Variants in NSMAF observed in about 807,000 individuals in gnomAD.
NSMAF encodes the protein protein FAN.
In NSMAF, 90 loss-of-function variants were observed where a neutral mutation model predicts 134.9. The observed-to-expected ratio is 0.67, with a 90% CI of 0.56 to 0.79. The LOEUF (loss-of-function observed/expected upper bound fraction) is 0.79. Among genes scored for constraint, NSMAF ranks in the 30% least tolerant of loss-of-function variants. The pLI, the probability that NSMAF is intolerant of heterozygous loss-of-function variation, is 0.00. For missense variants in NSMAF, 1,010 were observed against 1,119.0 expected (o/e 0.90, Z 1.39); for synonymous variants, 358 against 389.6 (o/e 0.92, Z 0.96).
At chr8:58,602,934 G>T (rs542349750) in intron 13 of NSMAF, among the ~76,000 whole-genome samples, 1 of 152,256 alleles carries the variant, frequency 6.6e-6, no homozygotes, top group South Asian at 2.1e-4. Context: ...GTACTTATAG[G>T]TAATAATGAT....
At chr8:58,609,844 C>T (rs1243125659) in intron 9 of NSMAF, 111 bp from the exon 10 acceptor site, 3 of 913,934 alleles carry the variant, frequency 3.3e-6, no homozygotes, top group Non-Finnish European at 4.8e-6. Context: ...CTAAACACTA[C>T]ATTTAATATA....
chr8:58,645,522 G>A (rs1807427415), intron 1 of NSMAF, among the ~76,000 whole-genome samples: 2 of 152,038 alleles, frequency 1.3e-5, no homozygotes, highest in Non-Finnish European at 2.9e-5. Context: ...AACTGAAATA[G>A]CCCATTCCCA....
chr8:58,593,682 G>C (rs534035277), intron 23 of NSMAF, among the ~76,000 whole-genome samples: 51 of 152,302 alleles, frequency 3.3e-4, no homozygotes, highest in Admixed American at 2.5e-3. Context: ...TATAGTAAGG[G>C]ATGCTTTCTG....
chr8:58,617,907 A>T (rs944534801), intron 9 of NSMAF, among the ~76,000 whole-genome samples: 7 of 152,238 alleles, frequency 4.6e-5, no homozygotes, highest in African/African-American at 1.7e-4. Context: ...ACTTGGAACC[A>T]ACCCAAATGT....
chr8:58,632,687 C>T (rs1402193459), intron 5 of NSMAF, among the ~76,000 whole-genome samples: 1 of 152,182 alleles, frequency 6.6e-6, no homozygotes, highest in African/African-American at 2.4e-5. Flanking sequence ...TTTAAAAAGT[C>T]TCTAGAAACT....
intron 27 of NSMAF, among the ~76,000 whole-genome samples, chr8:58,586,873 TA>T (rs1805898301): frequency 6.6e-6 from 1 of 152,196 alleles, no homozygotes; most frequent in Non-Finnish European, 1.5e-5. Context: ...TAAAATAGCT[TA>T]AAACTGACAG....
intron 21 of NSMAF, among the ~76,000 whole-genome samples, chr8:58,596,480 T>G (rs1453336637): frequency 6.6e-6 from 1 of 152,150 alleles, no homozygotes; most frequent in South Asian, 2.1e-4. Context: ...GAAAGGTGAG[T>G]GTTCTTTCCT....
At chr8:58,638,188 A>G (rs1384572337) in intron 2 of NSMAF, among the ~76,000 whole-genome samples, 3 of 152,152 alleles carry the variant, frequency 2.0e-5, no homozygotes, top group Non-Finnish European at 4.4e-5. Context: ...CTGTGACTCC[A>G]GGTGTGCACC....
At chr8:58,650,256 G>A (rs77125463) in intron 1 of NSMAF, among the ~76,000 whole-genome samples, 4,090 of 152,196 alleles carry the variant, frequency 0.027, 202 homozygotes, top group African/African-American at 0.093. Flanking sequence ...CTAGTTCCAA[G>A]GGCAACTTTG....
In NSMAF at chr8:58,601,335, C is replaced by A. The variant is rs1806273231; in HGVS notation, c.1230G>T (p.Met410Ile). 3 of 1,613,822 alleles carry A rather than the reference C, an allele frequency of 1.9e-6. No individual in the cohort carries two copies. The East Asian group carries it at 6.7e-5, about 36-fold the overall frequency. The change falls in exon 16 of 31, where the codon ATG becomes ATT. Residue 410 changes from methionine (M) to isoleucine (I), a missense_variant. By Grantham distance (10) the Met-to-Ile change is conservative (BLOSUM62 1). Coordinates refer to ENST00000038176, the MANE Select transcript of NSMAF (RefSeq NM_003580.4). ...FYLVRIAPEY[M>I]LCLQNGRFDN... ...CAAATCTTCCATTCTGCAGGCACAG[C>A]ATATACTCTGGTGCTAGAGGGGAAA...
intron 1 of NSMAF, chr8:58,659,330 C>A (rs1245064517): frequency 3.3e-6 from 5 of 1,527,348 alleles, no homozygotes; most frequent in Non-Finnish European, 3.5e-6. Flanking sequence ...GCGGTGGAAT[C>A]TGGCCTGGCC....
In NSMAF at chr8:58,599,965, CT is replaced by C. The variant is rs1563527188; in HGVS notation, c.1332+4del. ...AGTTACTCATCAGCTTTATTAACTGCTTACCTCTTTAAAATCCGTTGCACCA... is the reference window on the plus strand; with the variant it reads ...AGTTACTCATCAGCTTTATTAACTGCTACCTCTTTAAAATCCGTTGCACCA... On this transcript the variant is annotated splice_donor_region_variant and intron_variant, in intron 17 of 30. Coordinates refer to ENST00000038176, the MANE Select transcript of NSMAF (RefSeq NM_003580.4). 1.2e-6 allele frequency: 2 copies of C among 1,613,906 alleles called. No individual in the cohort carries two copies. Among genetic ancestry groups the C allele is most frequent in the Admixed American group, 1.7e-5 (1 of 59,998 alleles).
Position 58,635,309 on chromosome 8 carries a change from T to G in NSMAF, c.292A>C (p.Thr98Pro), listed in dbSNP as rs375311811. Residue 98 changes from threonine (T) to proline (P), a missense_variant, in exon 4 of 31, where the codon ACA becomes CCA. Physicochemically the swap from Thr to Pro is conservative, Grantham distance 38. Coordinates refer to ENST00000038176, the MANE Select transcript of NSMAF (RefSeq NM_003580.4). Reference sequence around the variant, plus strand: ...ACAGTGGTGAAAATGACATACTTTGTGAAGTGTCTATTGGCTCCATTTTCT... The same window carrying G: ...ACAGTGGTGAAAATGACATACTTTGGGAAGTGTCTATTGGCTCCATTTTCT... Reference protein sequence around the residue: ...HGENGANRHFTKAKSGGISLI... With the variant: ...HGENGANRHFPKAKSGGISLI... 4.3e-6 allele frequency: 7 copies of G among 1,611,386 alleles called. No individual in the cohort carries two copies. In the African/African-American group the frequency reaches 9.4e-5, roughly 22 times the overall value.
At chr8:58,626,070 C>A (rs1806922058) in intron 6 of NSMAF, among the ~76,000 whole-genome samples, 1 of 149,558 alleles carries the variant, frequency 6.7e-6, no homozygotes, top group South Asian at 2.2e-4. Flanking sequence ...CCCCTAAGCC[C>A]CCAAAGTCCA....
At position 58,593,624 on chromosome 8, in the gene NSMAF, T is replaced by C. The variant is rs538707428; in HGVS notation, c.1951+608A>G. ...AACATGACAAGGCCAAGACATACTT[T>C]AATGAATAATATATAATGCAGACTA... On this transcript the variant is annotated intron_variant, in intron 23 of 30. Transcript: ENST00000038176. Among the ~76,000 whole-genome samples, 24 of 152,266 alleles carry C rather than the reference T, an allele frequency of 1.6e-4. No homozygotes were observed. The South Asian group carries it at 4.8e-3, about 30-fold the overall frequency.
Position 58,585,971 on chromosome 8 carries a change from C to T in NSMAF, c.2476G>A (p.Asp826Asn). 6.2e-7 allele frequency: 1 copy of T among 1,614,100 alleles called. No homozygotes were observed. The highest frequency in any genetic ancestry group is 8.5e-7 in the Non-Finnish European group (1 of 1,179,986). ...DSRHVLSTGT[D>N]GCLNVIDVQT... is the part of the protein sequence containing the mutation. Reference sequence around the variant, plus strand: ...ACATCAATGACATTAAGACAGCCATCTGTTCCTGTGCTGAGGACATGGCGA... The same window carrying T: ...ACATCAATGACATTAAGACAGCCATTTGTTCCTGTGCTGAGGACATGGCGA... The change falls in exon 29 of 31, where the codon GAT (aspartate) becomes AAT (asparagine). Residue 826 changes from aspartate (D) to asparagine (N), a missense_variant. Coordinates refer to ENST00000038176, the MANE Select transcript of NSMAF (RefSeq NM_003580.4).
intron 9 of NSMAF, among the ~76,000 whole-genome samples, chr8:58,617,100 A>G (rs1806675084): frequency 6.6e-6 from 1 of 152,200 alleles, no homozygotes; most frequent in South Asian, 2.1e-4. Flanking sequence ...ATCTACAATC[A>G]TTACAAAATA....
chr8:58,648,532 T>C (rs1807512639), intron 1 of NSMAF, among the ~76,000 whole-genome samples: 1 of 152,114 alleles, frequency 6.6e-6, no homozygotes, highest in African/African-American at 2.4e-5. Flanking sequence ...GGCCTCAAAG[T>C]CATTTCAGAA....
chr8:58,655,507 T>G (rs1807685309), intron 1 of NSMAF, among the ~76,000 whole-genome samples: 1 of 151,958 alleles, frequency 6.6e-6, no homozygotes, highest in Non-Finnish European at 1.5e-5. Flanking sequence ...TCGAGTGATC[T>G]TCCCACCTTT....
Sources: allele counts gnomAD v4.1 joint callset (sites outside exome capture counted in the v4.1 genomes callset), GRCh38; gene constraint gnomAD v4.1.1; transcripts MANE v1.5; gene names NCBI Gene and HGNC (gene_info 2026-07-23, HGNC 2026-07-21).